SLCO1A2: variants seen among roughly 807,000 people sequenced by gnomAD.
SLCO1A2 encodes OATP-1.
Under a neutral mutation model 69.0 loss-of-function variants are expected in SLCO1A2, and 67 were observed. That is an observed-to-expected ratio of 0.97 (90% confidence interval 0.80 to 1.19). SLCO1A2 has a LOEUF of 1.19. Among genes scored for constraint, SLCO1A2 ranks in the 50% most tolerant of loss-of-function variants. SLCO1A2 has a pLI of 0.00. For synonymous variants in SLCO1A2, 260 were observed against 265.9 expected (o/e 0.98, Z 0.22); for missense variants, 787 against 793.7 (o/e 0.99, Z 0.10).
chr12:21,264,720 CA>C lies in SLCO1A2; in HGVS notation c.*4827del, dbSNP rs2034317587. 6.6e-6 allele frequency: 1 copy of C among 152,130 alleles called. No individual in the cohort carries two copies. Among genetic ancestry groups the C allele is most frequent in the Non-Finnish European group, 1.5e-5 (1 of 68,010 alleles). 9.4% of individuals were successfully genotyped at this position (152,130 alleles called of 1,614,324 possible). Reference sequence around the variant, plus strand: ...ATAGTGTCTCACACAGAAATGACTCCAAAGCTCTCCTGGAAAGGTTGCCCCT... The same window carrying C: ...ATAGTGTCTCACACAGAAATGACTCCAAGCTCTCCTGGAAAGGTTGCCCCT... On this transcript the variant is annotated 3_prime_UTR_variant, in exon 15 of 15. Transcript: ENST00000683939.
chr12:21,281,542 A>G (rs768571438), intron 12 of SLCO1A2, among the ~76,000 whole-genome samples: 94 of 152,262 alleles, frequency 6.2e-4, no homozygotes, highest in Admixed American at 1.6e-3. Flanking sequence ...GAAGAAAAGA[A>G]ATAATAAAGA....
chr12:21,269,385 C>T lies in SLCO1A2; in HGVS notation c.*163G>A, dbSNP rs74066041. The stretch of plus-strand genomic sequence containing the variant: ...TAGGAAAACTCAAGTGTCACTGATA[C>T]CTTAGAAATATCATTAGTGAACATT... On this transcript the variant is annotated 3_prime_UTR_variant, in exon 15 of 15. Coordinates refer to ENST00000683939, the MANE Select transcript of SLCO1A2 (RefSeq NM_001386879.1). The T allele has an allele frequency of 4.1e-3, 2,157 of 525,412 alleles. 35 individuals carry two copies. The highest frequency in any genetic ancestry group is 0.039 in the African/African-American group (2,013 of 51,214). The allele number at this position is 525,412 out of a possible 1,614,324, so 32.5% of individuals were successfully genotyped here. A position where few individuals can be genotyped will look rare whatever the true frequency, so the allele number is the denominator to read the frequency against.
At chr12:21,381,422 A>G (rs762569426) in intron 1 of SLCO1A2, among the ~76,000 whole-genome samples, 1 of 152,214 alleles carries the variant, frequency 6.6e-6, no homozygotes, top group African/African-American at 2.4e-5. Context: ...AAAATGCGCA[A>G]CATCACTAAT....
intron 1 of SLCO1A2, among the ~76,000 whole-genome samples, chr12:21,401,302 C>G (rs1028328751): frequency 2.0e-4 from 31 of 151,788 alleles, no homozygotes; most frequent in Non-Finnish European, 3.5e-4. Context: ...AAAGGCTTTT[C>G]TTTATGCTGG....
intron 2 of SLCO1A2, among the ~76,000 whole-genome samples, chr12:21,361,544 G>C (rs1938884608): frequency 6.6e-6 from 1 of 152,228 alleles, no homozygotes; most frequent in Non-Finnish European, 1.5e-5. Flanking sequence ...GAATGACTTT[G>C]ACGAGTTGAC....
chr12:21,304,712 T>G, intron 5 of SLCO1A2, 139 bp from the exon 6 acceptor site: 1 of 819,884 alleles, frequency 1.2e-6, no homozygotes, highest in Non-Finnish European at 1.9e-6. Flanking sequence ...ATTCCAGCAG[T>G]GACTTCTCAG....
At chr12:21,293,169 G>GGA (rs1947162109) in intron 11 of SLCO1A2, among the ~76,000 whole-genome samples, 1 of 152,066 alleles carries the variant, frequency 6.6e-6, no homozygotes, top group African/African-American at 2.4e-5. Flanking sequence ...CGGGCATGGT[G>GGA]GCATGTGCCT....
intron 2 of SLCO1A2, among the ~76,000 whole-genome samples, chr12:21,326,582 A>T (rs1952250137): frequency 1.3e-5 from 2 of 152,204 alleles, no homozygotes; most frequent in Non-Finnish European, 2.9e-5. Flanking sequence ...AGGTGTTCTC[A>T]GATGGAGATG....
intron 1 of SLCO1A2, among the ~76,000 whole-genome samples, chr12:21,383,090 G>A (rs920100081): frequency 2.0e-5 from 3 of 152,118 alleles, no homozygotes; most frequent in Non-Finnish European, 4.4e-5. Context: ...GTCTGATATT[G>A]AGAATAACAA....
chr12:21,353,519 G>A (rs1270791498), intron 2 of SLCO1A2, among the ~76,000 whole-genome samples: 1 of 151,942 alleles, frequency 6.6e-6, no homozygotes, highest in Non-Finnish European at 1.5e-5. Flanking sequence ...AAAAGGCAAA[G>A]CTCAGTGGCT....
chr12:21,384,221 A>T (rs1940753371), intron 1 of SLCO1A2, among the ~76,000 whole-genome samples: 1 of 152,200 alleles, frequency 6.6e-6, no homozygotes, highest in Admixed American at 6.5e-5. Flanking sequence ...AAGAAAAAAA[A>T]GTCAGTCACA....
chr12:21,309,981 C>T (rs950259435), intron 4 of SLCO1A2, among the ~76,000 whole-genome samples: 1 of 151,924 alleles, frequency 6.6e-6, no homozygotes, highest in Admixed American at 6.6e-5. Context: ...GTGATGAATT[C>T]GTGAACAATA....
At chr12:21,384,769 CTT>C (rs762328144) in intron 1 of SLCO1A2, among the ~76,000 whole-genome samples, 14 of 130,970 alleles carry the variant, frequency 1.1e-4, no homozygotes, top group Admixed American at 1.5e-4. Context: ...GTTTTTTTTT[CTT>C]TTTTTTTTTT....
chr12:21,389,893 T>C (rs1941067205), intron 1 of SLCO1A2, among the ~76,000 whole-genome samples: 1 of 149,706 alleles, frequency 6.7e-6, no homozygotes, highest in Admixed American at 6.7e-5. Context: ...TTTTATTATA[T>C]AATTCTATTA....
intron 2 of SLCO1A2, among the ~76,000 whole-genome samples, chr12:21,373,972 C>T (rs1165636297): frequency 2.6e-5 from 4 of 151,984 alleles, no homozygotes; most frequent in African/African-American, 7.2e-5. Context: ...GTTAAAAAGC[C>T]ATTTGCTGTT....
Position 21,295,803 on chromosome 12 carries a change from A to T in SLCO1A2, c.1076-11T>A. On this transcript the variant is annotated splice_polypyrimidine_tract_variant and intron_variant, in intron 9 of 14. Transcript: ENST00000683939. ...GTAAGTTATAAATACCTATAAATGC[A>T]AATAAAATATTATTTACAAAATGAC... 1 of 1,360,708 alleles carries T rather than the reference A, an allele frequency of 7.3e-7. No homozygotes were observed. Among genetic ancestry groups the T allele is most frequent in the Non-Finnish European group, 1.0e-6 (1 of 964,034 alleles). The allele number at this position is 1,360,708 out of a possible 1,614,324, so 84.3% of individuals were successfully genotyped here. A position where few individuals can be genotyped will look rare whatever the true frequency, so the allele number is the denominator to read the frequency against.
chr12:21,301,145 T>TC, intron 7 of SLCO1A2, 26 bp downstream of exon 7: 1 of 1,490,808 alleles, frequency 6.7e-7, no homozygotes, highest in Non-Finnish European at 9.3e-7. Flanking sequence ...GTCTAGACAC[T>TC]GTACAAATAG....
intron 1 of SLCO1A2, among the ~76,000 whole-genome samples, chr12:21,381,604 C>T (rs375271097): frequency 1.1e-4 from 16 of 151,768 alleles, no homozygotes; most frequent in Non-Finnish European, 2.4e-4. Flanking sequence ...GAGACCATTC[C>T]GGCCAACATG....
intron 2 of SLCO1A2, among the ~76,000 whole-genome samples, chr12:21,320,607 T>G (rs1951484067): frequency 1.3e-5 from 2 of 152,138 alleles, no homozygotes; most frequent in South Asian, 4.1e-4. Flanking sequence ...CAAGCAATTT[T>G]CCCACCTCAG....
Sources: allele counts gnomAD v4.1 joint callset (sites outside exome capture counted in the v4.1 genomes callset), GRCh38; gene constraint gnomAD v4.1.1; transcripts MANE v1.5; gene names NCBI Gene and HGNC (gene_info 2026-07-23, HGNC 2026-07-21).